The following SHROOM3 variants were observed in gnomAD, a reference collection of about 807,000 sequenced individuals.
SHROOM3 encodes the protein shroom family member 3.
SHROOM3 carries 47 observed loss-of-function variants against 138.6 expected under a neutral mutation model. The ratio of observed to expected loss-of-function variants is 0.34; its 90% CI spans 0.27 to 0.43. The LOEUF (loss-of-function observed/expected upper bound fraction) is 0.43. SHROOM3 is among the 20% of genes least tolerant of loss of function. The probability of loss-of-function intolerance (pLI) is 1.00; values close to 1 mark genes in which losing one functional copy is unlikely to be tolerated. For missense variants in SHROOM3, 2,491 were observed against 2,596.5 expected, an observed-to-expected ratio of 0.96 and a Z score of 0.88; for synonymous variants, 1,062 against 1,063.3, an observed-to-expected ratio of 1.00 and a Z score of 0.02.
At chr4:76,567,727 T>C (rs1014885245) in intron 2 of SHROOM3, among the ~76,000 whole-genome samples, 1 of 152,160 alleles carries the variant, frequency 6.6e-6, no homozygotes, top group African/African-American at 2.4e-5. Flanking sequence ...GCCACTATTA[T>C]TTTTTGATTG....
At chr4:76,543,757 T>C (rs1188367590) in intron 1 of SHROOM3, among the ~76,000 whole-genome samples, 2 of 152,200 alleles carry the variant, frequency 1.3e-5, no homozygotes, top group African/African-American at 4.8e-5. Flanking sequence ...ACAAGAAATG[T>C]TTCATGGCTC....
chr4:76,452,466 C>A (rs556307135), intron 1 of SHROOM3, among the ~76,000 whole-genome samples: 5 of 152,340 alleles, frequency 3.3e-5, no homozygotes, highest in African/African-American at 9.6e-5. Flanking sequence ...CTAGGTGCTT[C>A]ATATAAGTGG....
At chr4:76,744,772 C>G (rs1214479054) in intron 5 of SHROOM3, among the ~76,000 whole-genome samples, 4 of 152,214 alleles carry the variant, frequency 2.6e-5, no homozygotes, top group Non-Finnish European at 4.4e-5. Flanking sequence ...TTAGTTGATG[C>G]TATCTCCAAC....
intron 2 of SHROOM3, among the ~76,000 whole-genome samples, chr4:76,703,576 C>G (rs562347405): frequency 1.3e-5 from 2 of 152,310 alleles, no homozygotes; most frequent in Admixed American, 6.5e-5. Flanking sequence ...AATCTAAGGC[C>G]TTTTCAGCCT....
chr4:76,505,714 G>A (rs1207670841), intron 1 of SHROOM3, among the ~76,000 whole-genome samples: 1 of 147,258 alleles, frequency 6.8e-6, no homozygotes, highest in Admixed American at 6.8e-5. Flanking sequence ...AGGCTGGAGT[G>A]CAGTGGCATG....
chr4:76,457,480 C>A (rs2109973509), intron 1 of SHROOM3, among the ~76,000 whole-genome samples: 1 of 151,962 alleles, frequency 6.6e-6, no homozygotes, highest in African/African-American at 2.4e-5. Context: ...GTCAACTAAA[C>A]CTCTTTTCTT....
intron 1 of SHROOM3, among the ~76,000 whole-genome samples, chr4:76,476,540 C>A (rs1003174127): frequency 6.6e-6 from 1 of 152,174 alleles, no homozygotes; most frequent in Non-Finnish European, 1.5e-5. Context: ...TTCTATTTTT[C>A]TGTCCCTTGG....
intron 2 of SHROOM3, among the ~76,000 whole-genome samples, chr4:76,563,742 C>A (rs1160042623): frequency 6.6e-6 from 1 of 152,126 alleles, no homozygotes; most frequent in African/African-American, 2.4e-5. Context: ...TAGGCAATTG[C>A]AAAACTGGTC....
At chr4:76,507,718 G>C (rs1732242588) in intron 1 of SHROOM3, among the ~76,000 whole-genome samples, 1 of 151,206 alleles carries the variant, frequency 6.6e-6, no homozygotes, top group Non-Finnish European at 1.5e-5. Flanking sequence ...TAATTTTTTT[G>C]TATTTTTAGT....
intron 1 of SHROOM3, among the ~76,000 whole-genome samples, chr4:76,519,622 C>A (rs1338980727): frequency 6.6e-6 from 1 of 152,116 alleles, no homozygotes. Flanking sequence ...TGGAGGGAAA[C>A]TGTGCTGGGC....
intron 1 of SHROOM3, among the ~76,000 whole-genome samples, chr4:76,469,475 GAGACAGAGTCT>G (rs1731321521): frequency 7.2e-6 from 1 of 138,716 alleles, no homozygotes; most frequent in Non-Finnish European, 1.6e-5. Flanking sequence ...TTTTTTTTTT[GAGACAGAGTCT>G]CACTGTGTTG....
chr4:76,699,457 A>G (rs1719843070), intron 2 of SHROOM3, among the ~76,000 whole-genome samples: 1 of 152,216 alleles, frequency 6.6e-6, no homozygotes, highest in Non-Finnish European at 1.5e-5. Context: ...TACACATGAG[A>G]AAATAGTAGC....
intron 5 of SHROOM3, among the ~76,000 whole-genome samples, chr4:76,743,688 C>T (rs1189200191): frequency 6.6e-6 from 1 of 152,112 alleles, no homozygotes; most frequent in African/African-American, 2.4e-5. Flanking sequence ...GAGAAAATAC[C>T]GTCCCCTCCC....
intron 2 of SHROOM3, among the ~76,000 whole-genome samples, chr4:76,610,501 A>G (rs556253189): frequency 6.6e-6 from 1 of 152,266 alleles, no homozygotes; most frequent in South Asian, 2.1e-4. Context: ...TGAAATTTGG[A>G]GATGAAGCCT....
At chr4:76,715,652 G>T (rs1447815012) in intron 3 of SHROOM3, among the ~76,000 whole-genome samples, 1 of 152,144 alleles carries the variant, frequency 6.6e-6, no homozygotes, top group African/African-American at 2.4e-5. Context: ...CTTATATGGG[G>T]ATCTCGGATC....
chr4:76,651,693 A>G (rs1024228073), intron 2 of SHROOM3, among the ~76,000 whole-genome samples: 2 of 152,080 alleles, frequency 1.3e-5, no homozygotes, highest in Non-Finnish European at 2.9e-5. Context: ...ATTTGTTTAA[A>G]TTATAAATGA....
intron 2 of SHROOM3, among the ~76,000 whole-genome samples, chr4:76,694,288 A>G (rs1044090591): frequency 2.6e-5 from 4 of 152,212 alleles, no homozygotes; most frequent in African/African-American, 9.6e-5. Flanking sequence ...CTCCAGCCAC[A>G]AGTGTGAATG....
At chr4:76,729,144 ATAAT>A (rs1289056846) in intron 3 of SHROOM3, among the ~76,000 whole-genome samples, 2 of 152,188 alleles carry the variant, frequency 1.3e-5, no homozygotes, top group Non-Finnish European at 2.9e-5. Flanking sequence ...AGGTTCTACT[ATAAT>A]CTGCCCTTCA....
At chr4:76,500,370 G>T (rs894234008) in intron 1 of SHROOM3, among the ~76,000 whole-genome samples, 1 of 152,152 alleles carries the variant, frequency 6.6e-6, no homozygotes, top group Non-Finnish European at 1.5e-5. Flanking sequence ...AGGTCTCCCT[G>T]TGTTGAAAAA....
Sources: gnomAD v4.1 joint callset for allele counts (sites outside exome capture counted in the v4.1 genomes callset) on GRCh38, gnomAD v4.1.1 for gene constraint, MANE v1.5 for transcripts, NCBI Gene and HGNC (gene_info 2026-07-23, HGNC 2026-07-21) for gene names.